Variants in MRTFA observed in about 807,000 individuals in gnomAD.
MRTFA encodes myocardin related transcription factor A, also known as myocardin-related transcription factor A.
In MRTFA, 20 loss-of-function variants were observed where a neutral mutation model predicts 83.5. That is an observed-to-expected ratio of 0.24 (90% CI 0.17 to 0.35). MRTFA has a LOEUF of 0.35. MRTFA is among the 10% of genes least tolerant of loss of function. MRTFA has a pLI of 1.00. For synonymous variants in MRTFA, 659 were observed against 541.2 expected, an observed-to-expected ratio of 1.22 and a Z score of -3.02; for missense variants, 1,200 against 1,224.7, an observed-to-expected ratio of 0.98 and a Z score of 0.30.
chr22:40,627,846 G>A (rs374154815), intron 1 of MRTFA, among the ~76,000 whole-genome samples: 1 of 152,264 alleles, frequency 6.6e-6, no homozygotes, highest in East Asian at 1.9e-4. Flanking sequence ...GATGGCACAC[G>A]CCTATAGTCC....
chr22:40,634,957 CCTT>C (rs985022758), intron 1 of MRTFA, among the ~76,000 whole-genome samples: 29 of 152,280 alleles, frequency 1.9e-4, no homozygotes, highest in African/African-American at 6.3e-4. Context: ...CTTTTGGAAG[CCTT>C]CTTAAAAACG....
At position 40,418,534 on chromosome 22, in the gene MRTFA, A is replaced by T; in HGVS notation, c.2204T>A (p.Val735Asp). The T allele has an allele frequency of 6.3e-7, 1 of 1,586,716 alleles. No individual in the cohort carries two copies. The highest frequency in any genetic ancestry group is 8.5e-7 in the Non-Finnish European group (1 of 1,170,396). ...CCCCAGAAGCAACTGGGGGGCGGGG[A>T]CCGGCTCGGGCTCAGGCTGCAAGGC... Residue 735 changes from valine (V) to aspartate (D), a missense_variant, in exon 12 of 15, where the codon GTC (valine) becomes GAC (aspartate). Physicochemically the swap from Val to Asp is radical, Grantham distance 152. This residue lies in a region of MRTFA where 1,107 missense variants were observed against 1,041.8 expected (regional missense o/e 1.06). Coordinates refer to ENST00000355630, the MANE Select transcript of MRTFA (RefSeq NM_020831.6).
intron 3 of MRTFA, among the ~76,000 whole-genome samples, chr22:40,495,188 A>G (rs1834337277): frequency 6.6e-6 from 1 of 151,922 alleles, no homozygotes; most frequent in African/African-American, 2.4e-5. Context: ...AGCCTGGGCA[A>G]TACAGTGAGA....
At chr22:40,535,544 G>T (rs2055156681) in intron 3 of MRTFA, among the ~76,000 whole-genome samples, 1 of 151,616 alleles carries the variant, frequency 6.6e-6, no homozygotes, top group African/African-American at 2.4e-5. Context: ...GTAAAGATGG[G>T]GTTTCACCAT....
chr22:40,592,237 C>T (rs2056130777), intron 2 of MRTFA, among the ~76,000 whole-genome samples: 4 of 139,174 alleles, frequency 2.9e-5, no homozygotes, highest in East Asian at 2.1e-4. Context: ...AAGACCAACC[C>T]GGACAACACA....
chr22:40,436,591 G>A (rs1170251864), intron 4 of MRTFA, among the ~76,000 whole-genome samples: 6 of 152,110 alleles, frequency 3.9e-5, no homozygotes, highest in Admixed American at 3.9e-4. Flanking sequence ...CAAACCAAGA[G>A]CCTCCAGAAA....
chr22:40,460,619 C>T (rs1190649098), intron 4 of MRTFA, among the ~76,000 whole-genome samples: 1 of 152,162 alleles, frequency 6.6e-6, no homozygotes, highest in African/African-American at 2.4e-5. Context: ...TATATGATGT[C>T]CTTGGTGAAA....
rs1184730214 is a variant in MRTFA at position 40,576,142 on chromosome 22, C to A, written c.-22+18532G>T. On this transcript the variant is annotated intron_variant, in intron 2 of 14. Transcript: ENST00000355630. The stretch of plus-strand genomic sequence containing the variant: ...CCCGTGGGTTCAAGCAATTCTCCTG[C>A]CTCAGCCTCCCAAGTAGCTGGGATT... Among the ~76,000 whole-genome samples the A allele has an allele frequency of 4.6e-5, 7 of 151,572 alleles. No individual in the cohort carries two copies. In the South Asian group the frequency reaches 1.0e-3, roughly 23 times the overall value.
intron 7 of MRTFA, among the ~76,000 whole-genome samples, chr22:40,424,974 G>C (rs1214385605): frequency 6.6e-6 from 1 of 152,208 alleles, no homozygotes; most frequent in African/African-American, 2.4e-5. Flanking sequence ...CCAGAAAGGG[G>C]ATGTTTGCCT....
At chr22:40,464,546 G>T (rs908843966) in intron 3 of MRTFA, among the ~76,000 whole-genome samples, 1 of 151,700 alleles carries the variant, frequency 6.6e-6, no homozygotes, top group Non-Finnish European at 1.5e-5. Flanking sequence ...AATGTTCAGA[G>T]GAGGAGGGTT....
At chr22:40,470,617 G>A (rs961950622) in intron 3 of MRTFA, among the ~76,000 whole-genome samples, 1 of 151,816 alleles carries the variant, frequency 6.6e-6, no homozygotes, top group African/African-American at 2.4e-5. Flanking sequence ...ATGGTAAGTA[G>A]AAAAAAGGAA....
Position 40,449,128 on chromosome 22 carries a change from G to A in MRTFA, c.308-13574C>T, listed in dbSNP as rs547740799. 2.1e-4 allele frequency among the ~76,000 whole-genome samples: 32 copies of A among 152,066 alleles called. No homozygotes were observed. The East Asian group carries it at 4.8e-3, about 23-fold the overall frequency. ...AAAATACAAAAACAATTAGCCGGGC[G>A]TGGTGGCGGGTGCCTGTAGTCCCAG... On this transcript the variant is annotated intron_variant, in intron 4 of 14. Transcript: ENST00000355630.
At chr22:40,419,952 A>G (rs996952242) in intron 11 of MRTFA, among the ~76,000 whole-genome samples, 2 of 152,160 alleles carry the variant, frequency 1.3e-5, no homozygotes, top group Admixed American at 6.5e-5. Context: ...CTCTGCATTA[A>G]CCGGCAAAGG....
intron 4 of MRTFA, 108 bp from the exon 5 acceptor site, chr22:40,435,662 G>T: frequency 8.1e-7 from 1 of 1,239,812 alleles, no homozygotes; most frequent in Non-Finnish European, 1.2e-6. Flanking sequence ...GCTGGGCGTG[G>T]TGGCTCACGC....
chr22:40,419,105 C>T lies in MRTFA; in HGVS notation c.1633G>A (p.Gly545Ser), dbSNP rs1354231283. ...ACGGGGGGCGTGGAGCCCGTGCTGC[C>T]AAACTTCACCACCCCACTGCTGGCC... Residue 545 changes from glycine (G) to serine (S), a missense_variant, in exon 12 of 15, where the codon GGC (glycine) becomes AGC (serine). Transcript: ENST00000355630. The T allele has an allele frequency of 2.5e-6, 4 of 1,595,028 alleles. No individual in the cohort carries two copies. Among genetic ancestry groups the T allele is most frequent in the Non-Finnish European group, 3.4e-6 (4 of 1,171,028 alleles).
rs1569248616 is a variant in MRTFA at position 40,416,975 on chromosome 22, C to T, written c.2578+11G>A. 1 of 1,589,972 alleles carries T rather than the reference C, an allele frequency of 6.3e-7. No homozygotes were observed. On this transcript the variant is annotated intron_variant, in intron 14 of 14. Transcript: ENST00000355630. This position sits in a 1 kb window ranked among gnomAD's most constrained non-coding sequence, Gnocchi z 4.2. Reference sequence around the variant, plus strand: ...AGGCCGTCAGGGAGGCAGCAGGGGACCTGGGGTTACCTCCGCTCTGAATGA... The same window carrying T: ...AGGCCGTCAGGGAGGCAGCAGGGGATCTGGGGTTACCTCCGCTCTGAATGA...
chr22:40,510,138 G>A (rs2054644096), intron 3 of MRTFA, among the ~76,000 whole-genome samples: 2 of 152,268 alleles, frequency 1.3e-5, no homozygotes, highest in African/African-American at 4.8e-5. Flanking sequence ...TCTCTAGATA[G>A]TCTCTGGAGT....
chr22:40,551,343 A>C (rs948422175), intron 3 of MRTFA, among the ~76,000 whole-genome samples: 1 of 152,022 alleles, frequency 6.6e-6, no homozygotes, highest in African/African-American at 2.4e-5. Flanking sequence ...CATGCCAAGA[A>C]ATTTATTCAC....
chr22:40,571,949 A>G (rs932540001), intron 2 of MRTFA, among the ~76,000 whole-genome samples: 6 of 150,316 alleles, frequency 4.0e-5, no homozygotes, highest in Non-Finnish European at 8.9e-5. Flanking sequence ...AAAAAAAAGA[A>G]GAGGGACAAT....
Sources: gnomAD v4.1 joint callset for allele counts (sites outside exome capture counted in the v4.1 genomes callset) on GRCh38, gnomAD v4.1.1 for gene constraint, gnomAD v4.1.1 regional missense constraint, Gnocchi (gnomAD v3.1) non-coding constraint, MANE v1.5 for transcripts, NCBI Gene and HGNC (gene_info 2026-07-23, HGNC 2026-07-21) for gene names.